The following NCOA3 variants were observed in gnomAD, a reference collection of about 807,000 sequenced individuals.
NCOA3 encodes nuclear receptor coactivator 3.
In NCOA3, 51 loss-of-function variants were observed where a neutral mutation model predicts 158.8. That is an observed-to-expected ratio of 0.32 (90% CI 0.26 to 0.41). The LOEUF is 0.41. Among genes scored for constraint, NCOA3 ranks in the 10% least tolerant of loss-of-function variants. The pLI is 1.00. For missense variants in NCOA3, 1,510 were observed against 1,746.6 expected (o/e 0.86, Z 2.41); for synonymous variants, 537 against 592.4 (o/e 0.91, Z 1.36).
Position 47,653,685 on chromosome 20 carries a change from A to G in NCOA3, c.*268A>G. 2.1e-6 allele frequency: 1 copy of G among 471,850 alleles called. No homozygotes were observed. Among genetic ancestry groups the G allele is most frequent in the Admixed American group, 3.7e-5 (1 of 27,086 alleles). The allele number at this position is 471,850 out of a possible 1,614,324, so 29.2% of individuals were successfully genotyped here. A position where few individuals can be genotyped will look rare whatever the true frequency, so the allele number is the denominator to read the frequency against. ...TTGGCATTCCACCTCCTAGGGATAT[A>G]ATTCTGGAGACATGGAGTGTTACTG... On this transcript the variant is annotated 3_prime_UTR_variant, in exon 23 of 23. Coordinates refer to ENST00000371998, the MANE Select transcript of NCOA3 (RefSeq NM_181659.3).
chr20:47,601,034 C>G (rs1180673831), intron 2 of NCOA3, among the ~76,000 whole-genome samples: 3 of 152,124 alleles, frequency 2.0e-5, no homozygotes, highest in Non-Finnish European at 2.9e-5. Context: ...GTGTTCTGGT[C>G]TTCTAGGGTT....
At chr20:47,542,028 T>TGTTG (rs1555802261) in intron 1 of NCOA3, among the ~76,000 whole-genome samples, 35 of 81,772 alleles carry the variant, frequency 4.3e-4, no homozygotes, top group Non-Finnish European at 6.4e-4. Context: ...TTTTTTTTTT[T>TGTTG]TTGTTGTTGT....
intron 1 of NCOA3, among the ~76,000 whole-genome samples, chr20:47,551,649 A>G (rs2084929131): frequency 1.3e-5 from 2 of 152,232 alleles, no homozygotes; most frequent in African/African-American, 4.8e-5. Context: ...TTTGACAGTG[A>G]TTAAAAGATG....
intron 18 of NCOA3, among the ~76,000 whole-genome samples, chr20:47,648,610 C>CT (rs1258190155): frequency 6.6e-6 from 1 of 152,082 alleles, no homozygotes; most frequent in African/African-American, 2.4e-5. Context: ...GTAGCTGGGA[C>CT]TACAGGAGTG....
At chr20:47,564,156 GAA>G (rs5841701) in intron 1 of NCOA3, among the ~76,000 whole-genome samples, 34 of 148,038 alleles carry the variant, frequency 2.3e-4, no homozygotes, top group African/African-American at 5.0e-4. Context: ...CTCAAAAAAC[GAA>G]AAAAAAAAAA....
At chr20:47,537,529 A>G (rs890711817) in intron 1 of NCOA3, among the ~76,000 whole-genome samples, 1 of 151,908 alleles carries the variant, frequency 6.6e-6, no homozygotes, top group Non-Finnish European at 1.5e-5. Context: ...AAAACTGCCA[A>G]ATTAGCTAGT....
chr20:47,549,377 A>G (rs949473761), intron 1 of NCOA3, among the ~76,000 whole-genome samples: 1 of 151,422 alleles, frequency 6.6e-6, no homozygotes, highest in Non-Finnish European at 1.5e-5. Context: ...AAAAAAAAAA[A>G]TTAGCTGGGC....
intron 1 of NCOA3, among the ~76,000 whole-genome samples, chr20:47,559,041 G>T (rs2085058307): frequency 6.6e-6 from 1 of 150,820 alleles, no homozygotes; most frequent in African/African-American, 2.4e-5. Flanking sequence ...TCTCTATTAG[G>T]GTTCTTTTCC....
chr20:47,515,596 T>C (rs746360650), intron 1 of NCOA3, among the ~76,000 whole-genome samples: 9 of 151,820 alleles, frequency 5.9e-5, no homozygotes, highest in Non-Finnish European at 1.3e-4. Context: ...GCGATTCTTA[T>C]GCCTCAGCGT....
intron 1 of NCOA3, among the ~76,000 whole-genome samples, chr20:47,538,562 CTT>C (rs1283032864): frequency 7.2e-6 from 1 of 138,680 alleles, no homozygotes; most frequent in African/African-American, 2.7e-5. Flanking sequence ...TTTTTTTTTT[CTT>C]GAGACACCTG....
chr20:47,605,036 C>T (rs2146266315), intron 2 of NCOA3, among the ~76,000 whole-genome samples: 1 of 152,096 alleles, frequency 6.6e-6, no homozygotes, highest in South Asian at 2.1e-4. Context: ...CCCGGCCAAT[C>T]TTTGTATTTT....
intron 1 of NCOA3, among the ~76,000 whole-genome samples, chr20:47,579,183 A>ATGG (rs1305260731): frequency 6.6e-6 from 1 of 152,202 alleles, no homozygotes; most frequent in African/African-American, 2.4e-5. Context: ...GTTGTCCAAG[A>ATGG]TGGACTCAGA....
chr20:47,652,529 ATCAGTCC>A lies in NCOA3; in HGVS notation c.4075_4081del (p.Ser1359LysfsTer2). ...CAACACCCGCAGGCTGCATCCATCT[ATCAGTCC>A]TCAGAAATGAAGGGCTGGCCATCAG... On this transcript the variant is annotated frameshift_variant, in exon 21 of 23. Transcript: ENST00000371998. LOFTEE classifies it high-confidence loss of function. 6.2e-7 allele frequency: 1 copy of A among 1,613,988 alleles called. No homozygotes were observed. Among genetic ancestry groups the A allele is most frequent in the Non-Finnish European group, 8.5e-7 (1 of 1,179,826 alleles).
intron 16 of NCOA3, among the ~76,000 whole-genome samples, chr20:47,641,022 C>T (rs1488487835): frequency 6.6e-6 from 1 of 152,182 alleles, no homozygotes; most frequent in Admixed American, 6.5e-5. Context: ...TAAAAATGAA[C>T]TGATCTATTG....
intron 1 of NCOA3, among the ~76,000 whole-genome samples, chr20:47,555,343 G>C (rs1392409937): frequency 1.3e-5 from 2 of 152,142 alleles, no homozygotes; most frequent in Non-Finnish European, 2.9e-5. Context: ...AAGAATATTG[G>C]AGTGGGAGGC....
intron 1 of NCOA3, among the ~76,000 whole-genome samples, chr20:47,555,055 A>C (rs532686657): frequency 6.6e-6 from 1 of 152,212 alleles, no homozygotes; most frequent in Non-Finnish European, 1.5e-5. Flanking sequence ...ATAATGCTGC[A>C]TATCTACAAG....
intron 2 of NCOA3, among the ~76,000 whole-genome samples, chr20:47,620,608 C>T (rs2086224160): frequency 1.3e-5 from 2 of 152,304 alleles, no homozygotes; most frequent in Admixed American, 1.3e-4. Flanking sequence ...GGTTTATTCA[C>T]TCACTCATTA....
At chr20:47,548,733 G>A (rs1339029432) in intron 1 of NCOA3, among the ~76,000 whole-genome samples, 1 of 152,126 alleles carries the variant, frequency 6.6e-6, no homozygotes, top group Non-Finnish European at 1.5e-5. Context: ...CAAATCAGTA[G>A]AGTTGCAGTA....
At chr20:47,582,659 G>A (rs973190248) in intron 1 of NCOA3, among the ~76,000 whole-genome samples, 30 of 152,110 alleles carry the variant, frequency 2.0e-4, no homozygotes, top group Non-Finnish European at 5.9e-5. Flanking sequence ...GAGCCACTGC[G>A]CCTGGCCCTA....
Sources: allele counts gnomAD v4.1 joint callset (sites outside exome capture counted in the v4.1 genomes callset), GRCh38; gene constraint gnomAD v4.1.1; transcripts MANE v1.5; gene names NCBI Gene and HGNC (gene_info 2026-07-23, HGNC 2026-07-21).